NEBL: variants seen among roughly 807,000 people sequenced by gnomAD.
NEBL encodes the protein LIM and SH3 protein 2.
Under a neutral mutation model 140.2 loss-of-function variants are expected in NEBL, and 122 were observed. The ratio of observed to expected loss-of-function variants is 0.87; its 90% confidence interval spans 0.75 to 1.01. The LOEUF (loss-of-function observed/expected upper bound fraction) is 1.01. NEBL is among the 50% of genes least tolerant of loss of function. The pLI is 0.00. For synonymous variants in NEBL, 436 were observed against 398.9 expected (o/e 1.09, Z -1.11); for missense variants, 1,365 against 1,231.3 (o/e 1.11, Z -1.62).
intron 4 of NEBL, among the ~76,000 whole-genome samples, chr10:20,911,365 A>G (rs1166033948): frequency 6.6e-6 from 1 of 152,196 alleles, no homozygotes; most frequent in Non-Finnish European, 1.5e-5. Flanking sequence ...TGAGCATTCA[A>G]CACAGTTAAA....
chr10:21,039,423 A>G (rs935816918), intron 2 of NEBL, among the ~76,000 whole-genome samples: 1 of 152,184 alleles, frequency 6.6e-6, no homozygotes, highest in African/African-American at 2.4e-5. Flanking sequence ...GGACGGGTCC[A>G]GTTTCTGTTT....
intron 2 of NEBL, among the ~76,000 whole-genome samples, chr10:21,068,552 C>G (rs938578487): frequency 6.6e-6 from 1 of 152,126 alleles, no homozygotes; most frequent in Non-Finnish European, 1.5e-5. Flanking sequence ...CTTGTCACCA[C>G]GAGGAAAGAA....
intron 2 of NEBL, among the ~76,000 whole-genome samples, chr10:21,119,859 T>A (rs1334202175): frequency 6.6e-6 from 1 of 152,104 alleles, no homozygotes; most frequent in Non-Finnish European, 1.5e-5. Flanking sequence ...CATTTAGATG[T>A]CATATCTCTT....
At chr10:20,828,423 A>G (rs1840091127) in intron 17 of NEBL, 107 bp downstream of exon 17, 5 of 727,960 alleles carry the variant, frequency 6.9e-6, no homozygotes, top group Non-Finnish European at 1.2e-5. Context: ...CACTTGACAG[A>G]AAATTCAACT....
intron 3 of NEBL, among the ~76,000 whole-genome samples, chr10:21,183,853 A>C (rs1348616129): frequency 6.6e-6 from 1 of 151,940 alleles, no homozygotes; most frequent in Non-Finnish European, 1.5e-5. Flanking sequence ...ATCATGGGGG[A>C]GGGTCTTTCC....
chr10:20,941,791 A>G (rs929816641), intron 4 of NEBL, among the ~76,000 whole-genome samples: 1 of 152,140 alleles, frequency 6.6e-6, no homozygotes, highest in Non-Finnish European at 1.5e-5. Context: ...TTATACACCA[A>G]TAACAGACAA....
chr10:21,108,628 T>C (rs371825705), intron 2 of NEBL, among the ~76,000 whole-genome samples: 1 of 152,204 alleles, frequency 6.6e-6, no homozygotes, highest in Admixed American at 6.5e-5. Flanking sequence ...CTAAGAAGAA[T>C]GTATATTCAA....
At chr10:20,886,454 G>A (rs997255444) in intron 4 of NEBL, among the ~76,000 whole-genome samples, 2 of 152,170 alleles carry the variant, frequency 1.3e-5, no homozygotes, top group Non-Finnish European at 2.9e-5. Flanking sequence ...ACTTGAACCC[G>A]GGAGGCAGAG....
In NEBL at chr10:21,277,950, T is replaced by C. The variant is rs142442061; in HGVS notation, n.182+14880A>G. 6.6e-5 allele frequency among the ~76,000 whole-genome samples: 10 copies of C among 152,338 alleles called. No homozygotes were observed. In the East Asian group the frequency reaches 1.9e-3, roughly 29 times the overall value. ...GGGAGTAATTATAGCACCTACTTCA[T>C]TGAGCTGTTGTCTATATTCAATGAC... On this transcript the variant is annotated intron_variant and non_coding_transcript_variant, in intron 1 of 8. Transcript: ENST00000675702.
chr10:21,190,757 A>G (rs889739462), intron 3 of NEBL, among the ~76,000 whole-genome samples: 7 of 152,248 alleles, frequency 4.6e-5, no homozygotes, highest in Non-Finnish European at 4.4e-5. Context: ...ATGTCCTTGT[A>G]GAACACAGAA....
chr10:21,110,828 A>C, intron 2 of NEBL: 1 of 610,728 alleles, frequency 1.6e-6, no homozygotes, highest in Non-Finnish European at 3.2e-6. Flanking sequence ...GATGAATTGC[A>C]CATTGTTGAA....
chr10:21,274,852 A>T lies in NEBL; in HGVS notation n.182+17978T>A, dbSNP rs547991036. On this transcript the variant is annotated intron_variant and non_coding_transcript_variant, in intron 1 of 8. Transcript: ENST00000675702. ...TATTAATTATTTTAAAATAAAATTT[A>T]AAAAGAAAATATATTGACTATTCAT... 5.1e-3 allele frequency among the ~76,000 whole-genome samples: 770 copies of T among 152,204 alleles called. 6 individuals carry two copies. Among genetic ancestry groups the T allele is most frequent in the African/African-American group, 0.018 (727 of 41,542 alleles).
In NEBL at chr10:20,830,103, G is replaced by A. The variant is rs562010278; in HGVS notation, c.1671+1093C>T. Reference sequence around the variant, plus strand: ...ACACACACTTCAGGATCATCCCAGCGGCTGTGTCGGCTGCGGAGGCTGAGA... The same window carrying A: ...ACACACACTTCAGGATCATCCCAGCAGCTGTGTCGGCTGCGGAGGCTGAGA... On this transcript the variant is annotated intron_variant, in intron 16 of 27. Transcript: ENST00000377122. 5.3e-4 allele frequency among the ~76,000 whole-genome samples: 81 copies of A among 152,264 alleles called. 1 individual carries two copies. In the Middle Eastern group the frequency reaches 0.01, roughly 19 times the overall value.
intron 3 of NEBL, among the ~76,000 whole-genome samples, chr10:20,992,960 T>C (rs531342862): frequency 6.6e-6 from 1 of 151,500 alleles, no homozygotes; most frequent in South Asian, 2.1e-4. Context: ...TTTTTGTATT[T>C]TTTTAGTAGA....
At chr10:21,213,167 A>AC (rs1311009352) in intron 3 of NEBL, among the ~76,000 whole-genome samples, 1 of 152,202 alleles carries the variant, frequency 6.6e-6, no homozygotes, top group African/African-American at 2.4e-5. Context: ...TTATTATGCC[A>AC]TTTCTGTTTA....
At chr10:20,938,294 T>C (rs1213400705) in intron 4 of NEBL, among the ~76,000 whole-genome samples, 4 of 152,190 alleles carry the variant, frequency 2.6e-5, no homozygotes, top group South Asian at 2.1e-4. Context: ...TGTCTGCTGT[T>C]CTGCAGCCTC....
At chr10:21,120,822 C>G (rs1484353617) in intron 2 of NEBL, among the ~76,000 whole-genome samples, 1 of 151,872 alleles carries the variant, frequency 6.6e-6, no homozygotes, top group Non-Finnish European at 1.5e-5. Context: ...ATACACACAA[C>G]TCTGCGTCGG....
At chr10:21,141,060 CA>C (rs35937796) in intron 2 of NEBL, among the ~76,000 whole-genome samples, 92 of 120,048 alleles carry the variant, frequency 7.7e-4, no homozygotes, top group Non-Finnish European at 1.0e-3. Flanking sequence ...AGGTATTCGA[CA>C]AAAAAAAAAA....
intron 4 of NEBL, among the ~76,000 whole-genome samples, chr10:20,909,922 A>G (rs1848261841): frequency 6.6e-6 from 1 of 152,200 alleles, no homozygotes; most frequent in Non-Finnish European, 1.5e-5. Context: ...GAATTATAAT[A>G]CTTGCCTAGT....
Sources: allele counts gnomAD v4.1 joint callset (sites outside exome capture counted in the v4.1 genomes callset), GRCh38; gene constraint gnomAD v4.1.1; transcripts MANE v1.5; gene names NCBI Gene and HGNC (gene_info 2026-07-23, HGNC 2026-07-21).